MORC3: variants seen among roughly 807,000 people sequenced by gnomAD.
The protein encoded by MORC3 is MORC family CW-type zinc finger protein 3.
In MORC3, 31 loss-of-function variants were observed where a neutral mutation model predicts 109.1. The observed-to-expected ratio is 0.28, with a 90% CI of 0.21 to 0.38. The LOEUF is 0.38. Among genes scored for constraint, MORC3 ranks in the 10% least tolerant of loss-of-function variants. The pLI is 1.00. For missense variants in MORC3, 867 were observed against 1,135.8 expected, an observed-to-expected ratio of 0.76 and a Z score of 3.40; for synonymous variants, 395 against 380.7, an observed-to-expected ratio of 1.04 and a Z score of -0.44.
rs758755493 is a variant in MORC3, at chr21:36,375,281, AATC to A, written c.2807_2809del (p.Ile936del). 2 of 1,612,228 alleles carry A rather than the reference AATC, an allele frequency of 1.2e-6. No individual in the cohort carries two copies. Among genetic ancestry groups the A allele is most frequent in the Admixed American group, 1.7e-5 (1 of 59,986 alleles). ...GACAAGTTGTTGAACAAATGAGTGA[AATC>A]AGTAGTACTTAAAGTATATGTTATG... On this transcript the variant is annotated inframe_deletion, in exon 17 of 17. Coordinates refer to ENST00000400485, the MANE Select transcript of MORC3 (RefSeq NM_015358.3).
At position 36,375,402 on chromosome 21, in the gene MORC3, A is replaced by C; in HGVS notation, c.*106A>C. On this transcript the variant is annotated 3_prime_UTR_variant, in exon 17 of 17. Transcript: ENST00000400485. ...AGATATGATAGGCAACAGACTGAAA[A>C]CCATAATCTTTACTGTATTCTATGC... The C allele has an allele frequency of 9.7e-7, 1 of 1,027,512 alleles. No homozygotes were observed. Among genetic ancestry groups the C allele is most frequent in the Non-Finnish European group, 1.4e-6 (1 of 724,218 alleles). The allele number at this position is 1,027,512 out of a possible 1,614,324, so 63.6% of individuals were successfully genotyped here.
chr21:36,362,329 G>A, intron 13 of MORC3, 101 bp downstream of exon 13: 2 of 1,310,074 alleles, frequency 1.5e-6, no homozygotes, highest in Non-Finnish European at 2.1e-6. Flanking sequence ...GATCACCTGA[G>A]GTCAGGAGTT....
At chr21:36,324,700 C>T (rs890586158) in intron 1 of MORC3, among the ~76,000 whole-genome samples, 11 of 149,808 alleles carry the variant, frequency 7.3e-5, no homozygotes, top group African/African-American at 2.7e-4. Context: ...TGGAAACAGC[C>T]TTCTCATTTT....
intron 1 of MORC3, among the ~76,000 whole-genome samples, chr21:36,326,230 T>C (rs947053162): frequency 3.3e-5 from 5 of 150,778 alleles, no homozygotes; most frequent in Admixed American, 2.0e-4. Context: ...TAGAATAAAT[T>C]ATTGTTAATT....
chr21:36,329,708 G>A (rs541843322), intron 1 of MORC3, among the ~76,000 whole-genome samples: 16 of 152,212 alleles, frequency 1.1e-4, no homozygotes, highest in South Asian at 4.1e-4. Flanking sequence ...CTGCTCTGGC[G>A]TAACATCACA....
Position 36,375,427 on chromosome 21 carries a change from C to T in MORC3, c.*131C>T. On this transcript the variant is annotated 3_prime_UTR_variant, in exon 17 of 17. Coordinates refer to ENST00000400485, the MANE Select transcript of MORC3 (RefSeq NM_015358.3). Reference sequence around the variant, plus strand: ...ACCATAATCTTTACTGTATTCTATGCATTCAAATGTGGTCACAAATATTGT... The same window carrying T: ...ACCATAATCTTTACTGTATTCTATGTATTCAAATGTGGTCACAAATATTGT... 1 of 776,538 alleles carries T rather than the reference C, an allele frequency of 1.3e-6. No individual in the cohort carries two copies. The highest frequency in any genetic ancestry group is 2.0e-6 in the Non-Finnish European group (1 of 512,676). 48.1% of individuals were successfully genotyped at this position (776,538 alleles called of 1,614,324 possible). A position where few individuals can be genotyped will look rare whatever the true frequency, so the allele number is the denominator to read the frequency against.
chr21:36,372,234 C>G, intron 15 of MORC3, 140 bp from the exon 16 acceptor site: 1 of 642,802 alleles, frequency 1.6e-6, no homozygotes, highest in Non-Finnish European at 2.4e-6. Context: ...TTATAGAAAA[C>G]TACTGGTTTT....
At chr21:36,348,247 A>T (rs1454838575) in intron 8 of MORC3, 1 of 152,238 alleles carries the variant, frequency 6.6e-6, no homozygotes, top group Non-Finnish European at 1.5e-5. Context: ...TAGCAACTGG[A>T]TACCTAACTT....
rs2085696506 is a variant in MORC3 at position 36,360,128 on chromosome 21, A to T, written c.1331+51A>T. On this transcript the variant is annotated intron_variant, in intron 11 of 16. Coordinates refer to ENST00000400485, the MANE Select transcript of MORC3 (RefSeq NM_015358.3). ...TTTGGAAAGACGGAAAGTACTGTTC[A>T]CAGTGTATGAATAGGCGCTGGTGAC... is the stretch of plus-strand genomic sequence containing the variant. 3 of 1,614,010 alleles carry T rather than the reference A, an allele frequency of 1.9e-6. No individual in the cohort carries two copies. In the African/African-American group the frequency reaches 4.0e-5, roughly 22 times the overall value.
At chr21:36,352,208 A>G (rs746312991) in intron 9 of MORC3, among the ~76,000 whole-genome samples, 4 of 152,190 alleles carry the variant, frequency 2.6e-5, no homozygotes, top group Admixed American at 6.6e-5. Context: ...ATTATTTTTA[A>G]AAGGAACACC....
chr21:36,335,672 T>C (rs930359988), intron 2 of MORC3, among the ~76,000 whole-genome samples: 1 of 152,164 alleles, frequency 6.6e-6, no homozygotes, highest in African/African-American at 2.4e-5. Context: ...GAAATGAGTA[T>C]GCTAAACAAG....
At chr21:36,332,710 T>A (rs1277749850) in intron 1 of MORC3, among the ~76,000 whole-genome samples, 1 of 152,158 alleles carries the variant, frequency 6.6e-6, no homozygotes, top group Non-Finnish European at 1.5e-5. Flanking sequence ...TACTATTAGG[T>A]TGTAGTTCCT....
At chr21:36,328,412 C>T (rs979791118) in intron 1 of MORC3, among the ~76,000 whole-genome samples, 3 of 146,804 alleles carry the variant, frequency 2.0e-5, no homozygotes, top group South Asian at 2.3e-4. Context: ...AGTGCAGTGG[C>T]GCCATCGCAG....
chr21:36,323,944 C>T (rs537961058), intron 1 of MORC3, among the ~76,000 whole-genome samples: 50 of 151,902 alleles, frequency 3.3e-4, no homozygotes, highest in East Asian at 9.7e-4. Flanking sequence ...GGCGTGATCT[C>T]GGCTCACCGC....
intron 1 of MORC3, among the ~76,000 whole-genome samples, chr21:36,321,555 T>C (rs1051963630): frequency 1.3e-5 from 2 of 152,054 alleles, no homozygotes; most frequent in Non-Finnish European, 2.9e-5. Context: ...TTTCTTTTTT[T>C]TTTTTTTAAC....
intron 9 of MORC3, among the ~76,000 whole-genome samples, chr21:36,353,290 G>T (rs1350275317): frequency 6.8e-6 from 1 of 147,936 alleles, no homozygotes; most frequent in Middle Eastern, 3.3e-3. Context: ...CAGGGAGTCG[G>T]AGGTTGCAGT....
At chr21:36,333,476 C>A (rs938647696) in intron 1 of MORC3, 170 bp from the exon 2 acceptor site, 14 of 602,940 alleles carry the variant, frequency 2.3e-5, no homozygotes, top group Admixed American at 1.8e-4. Context: ...CCAGTGTTAT[C>A]TTCCAAGAAT....
chr21:36,336,888 C>T lies in MORC3; in HGVS notation c.127C>T (p.Pro43Ser). Residue 43 changes from proline to serine, a missense_variant, in exon 3 of 17, where the codon CCT becomes TCT. Physicochemically the swap from Pro to Ser is moderately conservative, Grantham distance 74. Around this residue, in one of 7 missense-constraint regions of MORC3, gnomAD observed 53 missense variants for 130.3 expected, o/e 0.41. Transcript: ENST00000400485. The part of the protein sequence containing the change: ...VAELIDNAYD[P>S]DVNAKQIWID... ...GTGTTTCCCAGATAATGCTTATGAT[C>T]CTGATGTGAACGCTAAACAAATATG... The T allele has an allele frequency of 6.2e-7, 1 of 1,608,956 alleles. No individual in the cohort carries two copies. The highest frequency in any genetic ancestry group is 8.5e-7 in the Non-Finnish European group (1 of 1,178,044).
chr21:36,325,084 G>T (rs989981871), intron 1 of MORC3, among the ~76,000 whole-genome samples: 2 of 152,176 alleles, frequency 1.3e-5, no homozygotes, highest in African/African-American at 4.8e-5. Context: ...TAGTCCTTTG[G>T]TGGGCTTCAC....
Sources: gnomAD v4.1 joint callset for allele counts (sites outside exome capture counted in the v4.1 genomes callset) on GRCh38, gnomAD v4.1.1 for gene constraint, gnomAD v4.1.1 regional missense constraint, MANE v1.5 for transcripts, NCBI Gene and HGNC (gene_info 2026-07-23, HGNC 2026-07-21) for gene names.